CADM2: variants seen among roughly 807,000 people sequenced by gnomAD.
CADM2 encodes the protein cell adhesion molecule 2.
In CADM2, 12 loss-of-function variants were observed where a neutral mutation model predicts 49.8. The observed-to-expected ratio is 0.24, with a 90% CI of 0.15 to 0.39. The LOEUF (loss-of-function observed/expected upper bound fraction) is 0.39. Ranked by LOEUF, CADM2 falls within the 10% of genes least tolerant of loss-of-function variation. The pLI is 1.00. For missense variants in CADM2, 378 were observed against 492.3 expected (o/e 0.77, Z 2.20); for synonymous variants, 214 against 175.4 (o/e 1.22, Z -1.74).
At position 85,327,061 on chromosome 3, in the gene CADM2, T is replaced by G. The variant is rs1464482634; in HGVS notation, c.61+367393T>G. On this transcript the variant is annotated intron_variant, in intron 1 of 9. Coordinates refer to ENST00000383699, the MANE Select transcript of CADM2 (RefSeq NM_001167675.2). ...TCTTTTTTTTTCTTTTTTTCTTTCC[T>G]TTTTATTTGTTTTGCCTTTTTAACT... Among the ~76,000 whole-genome samples the G allele has an allele frequency of 2.0e-5, 3 of 152,078 alleles. No homozygotes were observed. The East Asian group carries it at 5.8e-4, about 29-fold the overall frequency.
chr3:86,011,199 A>C lies in CADM2; in HGVS notation c.970+49552A>C, dbSNP rs544494830. On this transcript the variant is annotated intron_variant, in intron 8 of 9. Transcript: ENST00000383699. ...TGCAGATCAATTTTACTGAAATATT[A>C]ATCAATTTTACTGCAATATTAATGC... Among the ~76,000 whole-genome samples, 3 of 152,186 alleles carry C rather than the reference A, an allele frequency of 2.0e-5. No individual in the cohort carries two copies. The East Asian group carries it at 5.8e-4, about 29-fold the overall frequency.
intron 1 of CADM2, among the ~76,000 whole-genome samples, chr3:85,115,390 G>A (rs1177872810): frequency 6.6e-6 from 1 of 152,160 alleles, no homozygotes; most frequent in Non-Finnish European, 1.5e-5. Flanking sequence ...GTTCATTAAT[G>A]TTTTTAATTC....
At position 85,601,124 on chromosome 3, in the gene CADM2, A is replaced by G. The variant is rs866378710; in HGVS notation, c.62-125398A>G. Among the ~76,000 whole-genome samples, 105 of 61,644 alleles carry G rather than the reference A, an allele frequency of 1.7e-3. 1 individual carries two copies. Among genetic ancestry groups the G allele is most frequent in the African/African-American group, 5.1e-3 (90 of 17,734 alleles). 40.4% of individuals were successfully genotyped at this position (61,644 alleles called of 152,430 possible). A position where few individuals can be genotyped will look rare whatever the true frequency, so the allele number is the denominator to read the frequency against. On this transcript the variant is annotated intron_variant, in intron 1 of 9. Coordinates refer to ENST00000383699, the MANE Select transcript of CADM2 (RefSeq NM_001167675.2). ...TAATTAATATACTGTGCATTTATAT[A>G]TGTGTGTATATATATATATATATAT...
intron 1 of CADM2, among the ~76,000 whole-genome samples, chr3:85,133,596 T>C (rs1407988499): frequency 6.6e-6 from 1 of 151,348 alleles, no homozygotes; most frequent in African/African-American, 2.4e-5. Flanking sequence ...GACATAAATG[T>C]TCTCCAAGGC....
chr3:85,062,498 A>C (rs1220583710), intron 1 of CADM2, among the ~76,000 whole-genome samples: 1 of 151,948 alleles, frequency 6.6e-6, no homozygotes, highest in Non-Finnish European at 1.5e-5. Context: ...GGAAAGACTT[A>C]AAGGACAGAG....
intron 1 of CADM2, among the ~76,000 whole-genome samples, chr3:85,691,386 T>C (rs1559595247): frequency 6.6e-6 from 1 of 152,222 alleles, no homozygotes; most frequent in Non-Finnish European, 1.5e-5. Context: ...TTGTGAACAA[T>C]GTTGCAATAA....
intron 1 of CADM2, among the ~76,000 whole-genome samples, chr3:85,120,450 G>A (rs1292534103): frequency 6.6e-6 from 1 of 152,072 alleles, no homozygotes; most frequent in African/African-American, 2.4e-5. Context: ...TGATAGACTG[G>A]ATAAAGAAAA....
At chr3:86,013,718 T>C in intron 8 of CADM2, 2 of 1,597,668 alleles carry the variant, frequency 1.3e-6, no homozygotes, top group South Asian at 2.2e-5. Context: ...GAGAGGAATT[T>C]ATAGGTTTTC....
chr3:85,938,266 G>A (rs1314278722), intron 7 of CADM2, among the ~76,000 whole-genome samples: 1 of 151,948 alleles, frequency 6.6e-6, no homozygotes, highest in East Asian at 1.9e-4. Context: ...CAAAAAACAA[G>A]ACAAGACTGA....
At chr3:85,092,095 G>A (rs1480586887) in intron 1 of CADM2, among the ~76,000 whole-genome samples, 1 of 151,974 alleles carries the variant, frequency 6.6e-6, no homozygotes, top group Non-Finnish European at 1.5e-5. Flanking sequence ...TTTGTTGGTA[G>A]CTTTATAAAG....
chr3:85,345,864 T>A (rs930376386), intron 1 of CADM2, among the ~76,000 whole-genome samples: 1 of 152,196 alleles, frequency 6.6e-6, no homozygotes, highest in Admixed American at 6.5e-5. Flanking sequence ...AAATATTCAC[T>A]GTAGGATTCA....
intron 1 of CADM2, among the ~76,000 whole-genome samples, chr3:85,713,885 A>G (rs2067198659): frequency 6.6e-6 from 1 of 152,194 alleles, no homozygotes; most frequent in Non-Finnish European, 1.5e-5. Context: ...ACTTAGTTTT[A>G]GGCAATTATG....
chr3:85,987,392 T>C (rs528912493), intron 8 of CADM2, among the ~76,000 whole-genome samples: 72 of 151,774 alleles, frequency 4.7e-4, no homozygotes, highest in Non-Finnish European at 8.0e-4. Context: ...ACAGGTCTAT[T>C]TATATAGCAA....
intron 1 of CADM2, among the ~76,000 whole-genome samples, chr3:85,283,262 AT>A (rs1267407733): frequency 2.0e-5 from 3 of 151,814 alleles, no homozygotes; most frequent in East Asian, 3.9e-4. Context: ...CTTTTATCTT[AT>A]TTTTTGACAT....
At chr3:85,058,053 C>T (rs2036158250) in intron 1 of CADM2, among the ~76,000 whole-genome samples, 1 of 152,186 alleles carries the variant, frequency 6.6e-6, no homozygotes, top group Admixed American at 6.5e-5. Context: ...ACATTTCTCA[C>T]AGATTCTTTG....
At chr3:85,358,228 C>T (rs2032036880) in intron 1 of CADM2, among the ~76,000 whole-genome samples, 1 of 152,072 alleles carries the variant, frequency 6.6e-6, no homozygotes, top group Non-Finnish European at 1.5e-5. Context: ...AACATGTCTG[C>T]AGACATGCCC....
intron 1 of CADM2, among the ~76,000 whole-genome samples, chr3:85,293,330 T>G (rs1226251517): frequency 6.6e-6 from 1 of 151,144 alleles, no homozygotes; most frequent in Admixed American, 6.6e-5. Context: ...CAGGACCAGA[T>G]GGATTCACAG....
chr3:85,365,406 A>G (rs956564216), intron 1 of CADM2, among the ~76,000 whole-genome samples: 27 of 152,088 alleles, frequency 1.8e-4, no homozygotes, highest in Admixed American at 1.6e-3. Flanking sequence ...CGGGCAAAAT[A>G]TTATAGCAAT....
intron 8 of CADM2, among the ~76,000 whole-genome samples, chr3:86,058,256 T>C (rs1738227259): frequency 6.6e-6 from 1 of 152,136 alleles, no homozygotes; most frequent in Admixed American, 6.6e-5. Flanking sequence ...AAATTAAAAG[T>C]CCTGAATGAG....
Sources: allele counts gnomAD v4.1 joint callset (sites outside exome capture counted in the v4.1 genomes callset), GRCh38; gene constraint gnomAD v4.1.1; transcripts MANE v1.5; gene names NCBI Gene and HGNC (gene_info 2026-07-23, HGNC 2026-07-21).